The following TBCK variants were observed in gnomAD, a reference collection of about 807,000 sequenced individuals.
TBCK encodes the protein TBC1 domain containing kinase.
TBCK carries 99 observed loss-of-function variants against 113.4 expected under a neutral mutation model. The observed-to-expected ratio is 0.87, with a 90% CI of 0.74 to 1.03. The LOEUF is 1.03. Among genes scored for constraint, TBCK ranks in the 50% least tolerant of loss-of-function variants. TBCK has a pLI of 0.00. For synonymous variants in TBCK, 369 were observed against 370.8 expected (o/e 1.00, Z 0.05); for missense variants, 1,045 against 1,061.3 (o/e 0.98, Z 0.21).
chr4:106,139,956 C>T (rs1461416936), intron 23 of TBCK, among the ~76,000 whole-genome samples: 2 of 139,870 alleles, frequency 1.4e-5, no homozygotes, highest in African/African-American at 5.0e-5. Context: ...GTACAAAAAG[C>T]CTGTTAAATA....
At chr4:106,311,629 A>G (rs1221960410) in intron 1 of TBCK, among the ~76,000 whole-genome samples, 3 of 152,086 alleles carry the variant, frequency 2.0e-5, no homozygotes, top group Non-Finnish European at 4.4e-5. Context: ...AATTCATAAA[A>G]AGCTTCAAAA....
intron 3 of TBCK, among the ~76,000 whole-genome samples, chr4:106,270,669 AC>A (rs556947475): frequency 1.7e-3 from 257 of 152,310 alleles, no homozygotes; most frequent in African/African-American, 5.8e-3. Context: ...TTTTAAGTGG[AC>A]TAATATTTTA....
chr4:106,255,045 A>C (rs1761836850), intron 5 of TBCK: 1 of 347,468 alleles, frequency 2.9e-6, no homozygotes, highest in Non-Finnish European at 5.8e-6. Context: ...TCTCTTTCAC[A>C]TACTGAATTT....
At chr4:106,315,096 T>A (rs1482787558) in intron 1 of TBCK, among the ~76,000 whole-genome samples, 1 of 151,980 alleles carries the variant, frequency 6.6e-6, no homozygotes, top group Non-Finnish European at 1.5e-5. Flanking sequence ...TACACACACA[T>A]ACATTCACTT....
At chr4:106,218,214 C>T (rs1287512722) in intron 19 of TBCK, among the ~76,000 whole-genome samples, 1 of 145,168 alleles carries the variant, frequency 6.9e-6, no homozygotes, top group Non-Finnish European at 1.5e-5. Flanking sequence ...ATACAAAAAT[C>T]AATTCAAGAT....
In TBCK at chr4:106,042,857, T is replaced by C. The variant is rs541859869; in HGVS notation, c.*3713A>G. ...ACTGAACAACTCTGTCTGTAACAGA[T>C]TTTTCTTCCTTCATCAAGAATAACC... On this transcript the variant is annotated 3_prime_UTR_variant, in exon 26 of 26. Transcript: ENST00000394708. 15 of 152,316 alleles carry C rather than the reference T, an allele frequency of 9.8e-5. No homozygotes were observed. The South Asian group carries it at 3.1e-3, about 32-fold the overall frequency. 9.4% of individuals were successfully genotyped at this position (152,316 alleles called of 1,614,324 possible).
chr4:106,250,078 A>C lies in TBCK; in HGVS notation c.658+340T>G, dbSNP rs1490513844. Among the ~76,000 whole-genome samples the C allele has an allele frequency of 2.0e-5, 3 of 152,118 alleles. No individual in the cohort carries two copies. The East Asian group carries it at 5.8e-4, about 29-fold the overall frequency. On this transcript the variant is annotated intron_variant, in intron 7 of 25. Coordinates refer to ENST00000394708, the MANE Select transcript of TBCK (RefSeq NM_001163435.3). ...ATTCATCAAATAGAAAGATAGCCCA[A>C]AAGTTAAGATACATTGTCTGAAGGT...
intron 23 of TBCK, among the ~76,000 whole-genome samples, chr4:106,122,241 A>G (rs1289883273): frequency 3.9e-5 from 6 of 152,220 alleles, no homozygotes; most frequent in Non-Finnish European, 5.9e-5. Context: ...AGAATACTAC[A>G]AACACCTCTA....
chr4:106,174,590 G>A (rs1480436273), intron 22 of TBCK, among the ~76,000 whole-genome samples: 1 of 151,984 alleles, frequency 6.6e-6, no homozygotes, highest in Non-Finnish European at 1.5e-5. Context: ...CTGGGCATTT[G>A]GTGGATCCCT....
chr4:106,091,996 A>G (rs1045190773), intron 25 of TBCK, among the ~76,000 whole-genome samples: 2 of 152,242 alleles, frequency 1.3e-5, no homozygotes, highest in Non-Finnish European at 2.9e-5. Context: ...CCACTAGATT[A>G]GCTAGATACA....
At chr4:106,215,628 C>T (rs894668222) in intron 19 of TBCK, among the ~76,000 whole-genome samples, 16 of 152,154 alleles carry the variant, frequency 1.1e-4, no homozygotes, top group Admixed American at 3.9e-4. Flanking sequence ...AAGGCCATAA[C>T]ATAATGGTAA....
At chr4:106,127,786 C>G (rs970135682) in intron 23 of TBCK, among the ~76,000 whole-genome samples, 1 of 151,826 alleles carries the variant, frequency 6.6e-6, no homozygotes, top group East Asian at 1.9e-4. Context: ...AAGAAAGATG[C>G]CAAGCACAAT....
intron 23 of TBCK, among the ~76,000 whole-genome samples, chr4:106,129,844 G>A (rs1242267835): frequency 2.0e-5 from 3 of 152,288 alleles, no homozygotes; most frequent in South Asian, 2.1e-4. Context: ...TTTAGACTGC[G>A]TCAAGAGGGA....
chr4:106,253,500 ACTTT>A (rs1183273659), intron 5 of TBCK, among the ~76,000 whole-genome samples: 1 of 152,158 alleles, frequency 6.6e-6, no homozygotes, highest in Non-Finnish European at 1.5e-5. Context: ...GGATATGTGC[ACTTT>A]CTACTTCATT....
At chr4:106,248,813 T>C (rs916282678) in intron 8 of TBCK, 108 bp downstream of exon 8, 2 of 838,144 alleles carry the variant, frequency 2.4e-6, no homozygotes, top group African/African-American at 3.5e-5. Context: ...TTGGACTTCC[T>C]AGTTTCAATA....
At chr4:106,173,172 C>A (rs1277057433) in intron 22 of TBCK, among the ~76,000 whole-genome samples, 2 of 152,130 alleles carry the variant, frequency 1.3e-5, no homozygotes, top group East Asian at 1.9e-4. Flanking sequence ...AGCTTTGAGG[C>A]ATGGGCCTAT....
chr4:106,105,667 T>G (rs1277533196), intron 24 of TBCK, among the ~76,000 whole-genome samples: 2 of 152,144 alleles, frequency 1.3e-5, no homozygotes, highest in Non-Finnish European at 2.9e-5. Flanking sequence ...CGTAACCCAC[T>G]CTAAAGCCAG....
chr4:106,197,411 G>GTGTA (rs35695611), intron 20 of TBCK, among the ~76,000 whole-genome samples: 2,678 of 122,392 alleles, frequency 0.022, 32 homozygotes, highest in South Asian at 0.036. Context: ...GTGTGTGTGT[G>GTGTA]TATATATATA....
chr4:106,180,616 G>A (rs1260919523), intron 22 of TBCK, among the ~76,000 whole-genome samples: 5 of 152,004 alleles, frequency 3.3e-5, no homozygotes, highest in East Asian at 1.9e-4. Context: ...TCCCACTTAC[G>A]AGGGGGAACA....
Sources: allele counts gnomAD v4.1 joint callset (sites outside exome capture counted in the v4.1 genomes callset), GRCh38; gene constraint gnomAD v4.1.1; transcripts MANE v1.5; gene names NCBI Gene and HGNC (gene_info 2026-07-23, HGNC 2026-07-21).